The following AGPAT2 variants were observed in gnomAD, a reference collection of about 807,000 sequenced individuals.
The protein encoded by AGPAT2 is 1-acylglycerol-3-phosphate O-acyltransferase 2, also known as 1-acyl-sn-glycerol-3-phosphate acyltransferase beta.
In AGPAT2, 18 loss-of-function variants were observed where a neutral mutation model predicts 26.1. That is an observed-to-expected ratio of 0.69 (90% CI 0.48 to 1.02). The LOEUF (loss-of-function observed/expected upper bound fraction) is 1.02. AGPAT2 is among the 50% of genes least tolerant of loss of function. The pLI is 0.00. For missense variants in AGPAT2, 415 were observed against 394.9 expected (o/e 1.05, Z -0.43); for synonymous variants, 200 against 174.2 (o/e 1.15, Z -1.16).
chr9:136,676,681 C>G lies in AGPAT2; in HGVS notation c.493-1G>C, dbSNP rs606231168. 3 of 1,613,232 alleles carry G rather than the reference C, an allele frequency of 1.9e-6. No homozygotes were observed. Among genetic ancestry groups the G allele is most frequent in the Admixed American group, 3.3e-5 (2 of 60,006 alleles). The stretch of plus-strand genomic sequence containing the variant: ...CCTCGGGATAGATCCACACTTTGAG[C>G]TGCAGGGAGAGGAGAGCCTGGACTG... On this transcript the variant is annotated splice_acceptor_variant, in intron 3 of 5. Transcript: ENST00000371696. LOFTEE classifies it high-confidence loss of function.
chr9:136,681,200 C>A (rs1234530433), intron 1 of AGPAT2, among the ~76,000 whole-genome samples: 1 of 151,984 alleles, frequency 6.6e-6, no homozygotes, highest in Non-Finnish European at 1.5e-5. Context: ...CCCCGCCCAG[C>A]AGGCGGTGCT....
chr9:136,679,538 G>GA (rs1256631551), intron 1 of AGPAT2, among the ~76,000 whole-genome samples: 25 of 152,226 alleles, frequency 1.6e-4, no homozygotes, highest in African/African-American at 6.0e-4. Context: ...ACACTCAGGG[G>GA]AACTGCAGGG....
chr9:136,682,522 G>T (rs914415570), intron 1 of AGPAT2, among the ~76,000 whole-genome samples: 1 of 151,722 alleles, frequency 6.6e-6, no homozygotes, highest in African/African-American at 2.4e-5. Flanking sequence ...GGGGAGCAGG[G>T]GCAAAGCCAA....
chr9:136,683,668 G>A (rs1846189058), intron 1 of AGPAT2, among the ~76,000 whole-genome samples: 1 of 152,220 alleles, frequency 6.6e-6, no homozygotes, highest in Non-Finnish European at 1.5e-5. Flanking sequence ...CGGATGTGTA[G>A]GAGTGCAGGT....
In AGPAT2 at chr9:136,676,565, G is replaced by A. The variant is rs766583849; in HGVS notation, c.588+20C>T. On this transcript the variant is annotated intron_variant, in intron 4 of 5. Transcript: ENST00000371696. ...CCTCCCCAGCCTGCACCCACCCAGG[G>A]AGGGCTGGGCTCAGCCTACCTGTGC... 4.4e-6 allele frequency: 7 copies of A among 1,603,952 alleles called. No individual in the cohort carries two copies. The African/African-American group carries it at 9.4e-5, about 21-fold the overall frequency.
chr9:136,679,573 C>T (rs965574937), intron 1 of AGPAT2, among the ~76,000 whole-genome samples: 4 of 152,188 alleles, frequency 2.6e-5, no homozygotes, highest in Admixed American at 2.6e-4. Flanking sequence ...CACTCATTTG[C>T]GCAATCCAGC....
Position 136,687,381 on chromosome 9 carries a change from G to C in AGPAT2, c.-24C>G, listed in dbSNP as rs1242899952. ...ATGGCCCGGCCCGGCGCCCGACGGC[G>C]CCGCCAGCTCGCTCCCGCTCCCGCT... On this transcript the variant is annotated 5_prime_UTR_variant, in exon 1 of 6. Transcript: ENST00000371696. 4 of 1,436,620 alleles carry C rather than the reference G, an allele frequency of 2.8e-6. No homozygotes were observed. The highest frequency in any genetic ancestry group is 3.6e-6 in the Non-Finnish European group (4 of 1,102,018). 89.0% of individuals were successfully genotyped at this position (1,436,620 alleles called of 1,614,324 possible).
Position 136,687,362 on chromosome 9 carries a change from C to G in AGPAT2, c.-5G>C. 5 of 1,471,392 alleles carry G rather than the reference C, an allele frequency of 3.4e-6. No individual in the cohort carries two copies. The highest frequency in any genetic ancestry group is 4.5e-6 in the Non-Finnish European group (5 of 1,118,876). 91.1% of individuals were successfully genotyped at this position (1,471,392 alleles called of 1,614,324 possible). On this transcript the variant is annotated 5_prime_UTR_variant, in exon 1 of 6. Transcript: ENST00000371696. ...CAGACACGGCCACAGCTCCATGGCC[C>G]GGCCCGGCGCCCGACGGCGCCGCCA...
At position 136,677,017 on chromosome 9, in the gene AGPAT2, A is replaced by G. The variant is rs1371561893; in HGVS notation, c.436T>C (p.Ser146Pro). The change falls in exon 3 of 6, where the codon TCT becomes CCT. Residue 146 changes from serine to proline, a missense_variant. By Grantham distance (74) the Ser-to-Pro change is moderately conservative (BLOSUM62 -1). Coordinates refer to ENST00000371696, the MANE Select transcript of AGPAT2 (RefSeq NM_006412.4). ...GGVFFINRQR[S>P]STAMTVMADL... is the part of the protein sequence containing the mutation. ...GCCATCACTGTCATGGCAGTGCTAGAGCGCTGCCGGTTGATGAAGAAGACG... is the reference window on the plus strand; with the variant it reads ...GCCATCACTGTCATGGCAGTGCTAGGGCGCTGCCGGTTGATGAAGAAGACG... 1.2e-6 allele frequency: 2 copies of G among 1,611,422 alleles called. No homozygotes were observed. Among genetic ancestry groups the G allele is most frequent in the Non-Finnish European group, 1.7e-6 (2 of 1,179,448 alleles).
At chr9:136,682,191 A>G (rs1349074490) in intron 1 of AGPAT2, among the ~76,000 whole-genome samples, 1 of 152,138 alleles carries the variant, frequency 6.6e-6, no homozygotes, top group Non-Finnish European at 1.5e-5. Flanking sequence ...GTAGGACTCT[A>G]GGAGCTCATC....
chr9:136,683,607 T>C (rs1846188393), intron 1 of AGPAT2, among the ~76,000 whole-genome samples: 1 of 151,942 alleles, frequency 6.6e-6, no homozygotes, highest in Non-Finnish European at 1.5e-5. Flanking sequence ...GGGTGCGGGG[T>C]CCAGCCCACA....
chr9:136,684,404 A>G (rs140288954), intron 1 of AGPAT2, among the ~76,000 whole-genome samples: 1,556 of 152,226 alleles, frequency 0.01, 30 homozygotes, highest in African/African-American at 0.036. Flanking sequence ...GGCTCAGGGG[A>G]CACCCCCTGC....
intron 1 of AGPAT2, among the ~76,000 whole-genome samples, chr9:136,684,987 C>T (rs1052157091): frequency 3.9e-5 from 6 of 152,188 alleles, no homozygotes; most frequent in African/African-American, 7.2e-5. Context: ...ACGGAGGGAA[C>T]GCACGTTCGC....
rs543946316 is a variant in AGPAT2, at chr9:136,683,074, G to T, written c.182+4102C>A. Among the ~76,000 whole-genome samples the T allele has an allele frequency of 4.4e-3, 629 of 143,386 alleles. 8 individuals are homozygous for T. Among genetic ancestry groups the T allele is most frequent in the African/African-American group, 0.015 (604 of 39,674 alleles). 94.1% of individuals were successfully genotyped at this position (143,386 alleles called of 152,430 possible). The stretch of plus-strand genomic sequence containing the variant: ...ATGGGGATGACTAGGGGGTGGGGGG[G>T]AGGGGGGGAAGAATCCAAAATGGGT... On this transcript the variant is annotated intron_variant, in intron 1 of 5. Transcript: ENST00000371696.
chr9:136,682,219 C>T (rs1393222231), intron 1 of AGPAT2, among the ~76,000 whole-genome samples: 1 of 152,194 alleles, frequency 6.6e-6, no homozygotes, highest in Non-Finnish European at 1.5e-5. Context: ...TCCCTCCCTC[C>T]CCCGGGCTCC....
intron 4 of AGPAT2, 75 bp downstream of exon 4, chr9:136,676,510 C>T: frequency 1.6e-6 from 2 of 1,226,334 alleles, no homozygotes; most frequent in East Asian, 2.4e-5. Flanking sequence ...GGCTGGTGGT[C>T]ACCTGCTGCC....
At position 136,683,291 on chromosome 9, in the gene AGPAT2, CA is replaced by C. The variant is rs547831352; in HGVS notation, c.182+3884del. Among the ~76,000 whole-genome samples, 4 of 152,300 alleles carry C rather than the reference CA, an allele frequency of 2.6e-5. No individual in the cohort carries two copies. In the East Asian group the frequency reaches 7.7e-4, roughly 29 times the overall value. On this transcript the variant is annotated intron_variant, in intron 1 of 5. Coordinates refer to ENST00000371696, the MANE Select transcript of AGPAT2 (RefSeq NM_006412.4). ...AATGTGCCTAAGCCCCCAATCCCAC[CA>C]GCACCTGGCTCAGGCAGCTGGGAGG... is the stretch of plus-strand genomic sequence containing the variant.
intron 1 of AGPAT2, among the ~76,000 whole-genome samples, chr9:136,681,930 T>A (rs957105918): frequency 6.6e-6 from 1 of 152,176 alleles, no homozygotes; most frequent in Non-Finnish European, 1.5e-5. Flanking sequence ...AGAGGCCCCC[T>A]GCACCTCCTG....
At chr9:136,675,251 A>G (rs923797925) in intron 4 of AGPAT2, among the ~76,000 whole-genome samples, 1 of 152,074 alleles carries the variant, frequency 6.6e-6, no homozygotes, top group Non-Finnish European at 1.5e-5. Flanking sequence ...TGTTCCTGGA[A>G]GTCACCGGGG....
Sources: allele counts gnomAD v4.1 joint callset (sites outside exome capture counted in the v4.1 genomes callset), GRCh38; gene constraint gnomAD v4.1.1; transcripts MANE v1.5; gene names NCBI Gene and HGNC (gene_info 2026-07-23, HGNC 2026-07-21).